The following TRIM7 variants were observed in gnomAD, a reference collection of about 807,000 sequenced individuals.
TRIM7 encodes E3 ubiquitin-protein ligase TRIM7.
TRIM7 carries 32 observed loss-of-function variants against 37.9 expected under a neutral mutation model. The observed-to-expected ratio is 0.84, with a 90% confidence interval of 0.64 to 1.13. TRIM7 has a LOEUF of 1.13. Among genes scored for constraint, TRIM7 ranks in the 50% most tolerant of loss-of-function variants. The probability of loss-of-function intolerance (pLI) is 0.00; values close to 1 mark genes in which losing one functional copy is unlikely to be tolerated. For synonymous variants in TRIM7, 351 were observed against 321.3 expected (o/e 1.09, Z -0.99); for missense variants, 732 against 714.0 (o/e 1.03, Z -0.29).
At chr5:181,204,019 C>A in intron 1 of TRIM7, 2 of 1,020,774 alleles carry the variant, frequency 2.0e-6, no homozygotes, top group Non-Finnish European at 2.3e-6. Context: ...CCCCTGCACA[C>A]ACCCTCGCTG....
chr5:181,202,865 C>G (rs1001844996), intron 2 of TRIM7: 2 of 152,274 alleles, frequency 1.3e-5, no homozygotes, highest in African/African-American at 4.8e-5. Flanking sequence ...TGCCAGGCCT[C>G]ATGTTTGCTT....
intron 1 of TRIM7, chr5:181,204,064 C>T: frequency 1.0e-6 from 1 of 1,001,730 alleles, no homozygotes; most frequent in Non-Finnish European, 1.2e-6. Context: ...AAAGGGCCCC[C>T]AGAATCGACA....
rs1209787122 is a variant in TRIM7, at chr5:181,199,950, A to T, written c.750T>A (p.Asn250Lys). ...CAACCCCGAGCTGGGCCAGGTTCTC[A>T]TTCTGCTTCTGTGCCACCTCCCGGG... Reference protein sequence around the residue: ...ELSREVAQKQNENLAQLGVEI... With the variant: ...ELSREVAQKQKENLAQLGVEI... The change falls in exon 3 of 7, where the codon AAT (asparagine) becomes AAA (lysine). Residue 250 changes from asparagine (N) to lysine (K), a missense_variant. Physicochemically the swap from Asn to Lys is moderately conservative, Grantham distance 94. Transcript: ENST00000274773. 4.3e-6 allele frequency: 7 copies of T among 1,614,112 alleles called. No homozygotes were observed. Among genetic ancestry groups the T allele is most frequent in the African/African-American group, 1.3e-5 (1 of 74,938 alleles).
chr5:181,205,123 C>T lies in TRIM7; in HGVS notation c.-13G>A. The T allele has an allele frequency of 7.7e-7, 1 of 1,306,920 alleles. No individual in the cohort carries two copies. The highest frequency in any genetic ancestry group is 9.7e-7 in the Non-Finnish European group (1 of 1,028,594). 81.0% of individuals were successfully genotyped at this position (1,306,920 alleles called of 1,614,324 possible). A position where few individuals can be genotyped will look rare whatever the true frequency, so the allele number is the denominator to read the frequency against. On this transcript the variant is annotated 5_prime_UTR_variant, in exon 1 of 7. Transcript: ENST00000274773. ...CCACAGCCGCCATGCGCGCTCTCCG[C>T]GCACCCAGATCTGGTCGCGCCTGGG...
At position 181,195,048 on chromosome 5, in the gene TRIM7, C is replaced by G. The variant is rs1757005207; in HGVS notation, c.*118G>C. The stretch of plus-strand genomic sequence containing the variant: ...CGGGGTTGTGTCTGTAGCAGGCTCT[C>G]TTGGGCAGCAGGGGTCAGGAGCACG... On this transcript the variant is annotated 3_prime_UTR_variant, in exon 7 of 7. Coordinates refer to ENST00000274773, the MANE Select transcript of TRIM7 (RefSeq NM_203293.3). The G allele has an allele frequency of 2.3e-6, 3 of 1,327,064 alleles. No homozygotes were observed. The Admixed American group carries it at 7.2e-5, about 32-fold the overall frequency. The allele number at this position is 1,327,064 out of a possible 1,614,324, so 82.2% of individuals were successfully genotyped here.
At chr5:181,203,873 G>T (rs1030302031) in intron 1 of TRIM7, 1 of 1,303,626 alleles carries the variant, frequency 7.7e-7, no homozygotes, top group Admixed American at 3.8e-5. Flanking sequence ...CACAAGCTCC[G>T]GCAGCCCTAC....
chr5:181,198,344 G>T, intron 5 of TRIM7, 126 bp from the exon 6 acceptor site: 1 of 1,027,956 alleles, frequency 9.7e-7, no homozygotes. Flanking sequence ...AAGAGTGAAC[G>T]TGCAGGCACA....
chr5:181,195,665 A>G lies in TRIM7; in HGVS notation c.1037T>C (p.Leu346Ser). The change falls in exon 7 of 7, where the codon TTG becomes TCG. Residue 346 changes from leucine (L) to serine (S), a missense_variant. Coordinates refer to ENST00000274773, the MANE Select transcript of TRIM7 (RefSeq NM_203293.3). ...GCGCGGGTTGGCCGTGTCGGGATCC[A>G]AGGTGAGCTCCACTGCAGACAGAGA... ...LEKEEKVELTLDPDTANPRLI... is the reference protein window; with the variant it reads ...LEKEEKVELTSDPDTANPRLI... 6.6e-7 allele frequency: 1 copy of G among 1,524,458 alleles called. No individual in the cohort carries two copies. Among genetic ancestry groups the G allele is most frequent in the Middle Eastern group, 1.8e-4 (1 of 5,638 alleles). The allele number at this position is 1,524,458 out of a possible 1,614,324, so 94.4% of individuals were successfully genotyped here. A position where few individuals can be genotyped will look rare whatever the true frequency, so the allele number is the denominator to read the frequency against.
chr5:181,203,618 C>T lies in TRIM7; in HGVS notation c.545G>A (p.Arg182Lys), dbSNP rs751948749. The change falls in exon 2 of 7, where the codon AGG becomes AAG. Residue 182 changes from arginine (R) to lysine (K), a missense_variant. Coordinates refer to ENST00000274773, the MANE Select transcript of TRIM7 (RefSeq NM_203293.3). ...EAKELLESRL[R>K]VLKKELEDCE... ...GTCCTCCAGTTCCTTCTTCAAGACC[C>T]TCAGCCTGGACTCCAAGAGCTCCTG... 2 of 1,613,218 alleles carry T rather than the reference C, an allele frequency of 1.2e-6. No individual in the cohort carries two copies. Among genetic ancestry groups the T allele is most frequent in the South Asian group, 2.2e-5 (2 of 90,966 alleles).
intron 6 of TRIM7, chr5:181,197,021 A>G (rs553686487): frequency 6.6e-6 from 1 of 152,166 alleles, no homozygotes; most frequent in Admixed American, 6.5e-5. Context: ...TTAGCCAGGC[A>G]TGGTAGTGTG....
At chr5:181,199,725 C>G in intron 3 of TRIM7, 126 bp downstream of exon 3, 5 of 1,425,928 alleles carry the variant, frequency 3.5e-6, no homozygotes, top group Non-Finnish European at 4.6e-6. Context: ...GGGCACTTCT[C>G]TCCAGTCCCC....
Position 181,195,653 on chromosome 5 carries a change from G to A in TRIM7, c.1049C>T (p.Thr350Met). The A allele has an allele frequency of 1.3e-6, 2 of 1,528,698 alleles. No homozygotes were observed. The highest frequency in any genetic ancestry group is 8.8e-7 in the Non-Finnish European group (1 of 1,135,300). The allele number at this position is 1,528,698 out of a possible 1,614,324, so 94.7% of individuals were successfully genotyped here. A position where few individuals can be genotyped will look rare whatever the true frequency, so the allele number is the denominator to read the frequency against. Residue 350 changes from threonine (T) to methionine (M), a missense_variant, in exon 7 of 7, where the codon ACG becomes ATG. Coordinates refer to ENST00000274773, the MANE Select transcript of TRIM7 (RefSeq NM_203293.3). ...EKVELTLDPDTANPRLILSLD... is the reference protein window; with the variant it reads ...EKVELTLDPDMANPRLILSLD... ...AGAGAGGATGAGGCGCGGGTTGGCC[G>A]TGTCGGGATCCAAGGTGAGCTCCAC...
At chr5:181,200,207 A>G (rs973459789) in intron 2 of TRIM7, 126 bp from the exon 3 acceptor site, 53 of 1,575,780 alleles carry the variant, frequency 3.4e-5, no homozygotes, top group Non-Finnish European at 4.4e-5. Context: ...AGACACACCC[A>G]CCTACGCACG....
At chr5:181,203,299 C>G in intron 2 of TRIM7, 2 of 1,321,798 alleles carry the variant, frequency 1.5e-6, no homozygotes, top group Non-Finnish European at 1.9e-6. Context: ...TCCTGATTCG[C>G]TGGGACAGCT....
At position 181,195,561 on chromosome 5, in the gene TRIM7, C is replaced by T. The variant is rs757067425; in HGVS notation, c.1141G>A (p.Asp381Asn). 1.9e-6 allele frequency: 3 copies of T among 1,610,472 alleles called. No homozygotes were observed. Among genetic ancestry groups the T allele is most frequent in the South Asian group, 1.1e-5 (1 of 90,918 alleles). ...QDLPNHPCRF[D>N]TNTRVLASCG... ...GACGCCAGGACGCGGGTGTTGGTGT[C>T]GAAGCGGCAGGGGTGGTTGGGCAGG... is the stretch of plus-strand genomic sequence containing the variant. The change falls in exon 7 of 7, where the codon GAC becomes AAC. Residue 381 changes from aspartate to asparagine, a missense_variant. Transcript: ENST00000274773.
At position 181,204,600 on chromosome 5, in the gene TRIM7, G is replaced by C; in HGVS notation, c.511C>G (p.Gln171Glu). Residue 171 changes from glutamine to glutamate, a missense_variant, in exon 1 of 7, where the codon CAG becomes GAG. Physicochemically the swap from Gln to Glu is conservative, Grantham distance 29. Transcript: ENST00000274773. ...HAVLPLDEAV[Q>E]EAKELLESRL... ...GGGGCTGCGCTCACCTTGGCCTCCT[G>C]CACCGCCTCGTCCAGCGGCAGCACG... 2 of 1,443,292 alleles carry C rather than the reference G, an allele frequency of 1.4e-6. No homozygotes were observed. The highest frequency in any genetic ancestry group is 1.8e-6 in the Non-Finnish European group (2 of 1,108,230). The allele number at this position is 1,443,292 out of a possible 1,614,324, so 89.4% of individuals were successfully genotyped here.
Position 181,204,858 on chromosome 5 carries a change from C to G in TRIM7, c.253G>C (p.Ala85Pro). 1 of 1,339,532 alleles carries G rather than the reference C, an allele frequency of 7.5e-7. No homozygotes were observed. Among genetic ancestry groups the G allele is most frequent in the Non-Finnish European group, 9.5e-7 (1 of 1,054,598 alleles). 83.0% of individuals were successfully genotyped at this position (1,339,532 alleles called of 1,614,324 possible). The stretch of plus-strand genomic sequence containing the variant: ...TTGGGCCGCAGCTGACTGGGGCGCG[C>G]GGGCTCGCGGCACTGCGGACAGGGC... ...PLPCPQCREPARPSQLRPNRQ... is the reference protein window; with the variant it reads ...PLPCPQCREPPRPSQLRPNRQ... Residue 85 changes from alanine to proline, a missense_variant, in exon 1 of 7, where the codon GCG becomes CCG. Transcript: ENST00000274773.
chr5:181,198,380 AG>A, intron 5 of TRIM7, 162 bp from the exon 6 acceptor site: 9 of 762,196 alleles, frequency 1.2e-5, no homozygotes, highest in Admixed American at 2.1e-5. Flanking sequence ...AGCGGGGGGC[AG>A]GGGGCCCATA....
At chr5:181,196,056 A>C in intron 6 of TRIM7, 1 of 203,260 alleles carries the variant, frequency 4.9e-6, no homozygotes, top group Non-Finnish European at 9.8e-6. Flanking sequence ...TGAGGTATTT[A>C]TGGCAATGAT....
Sources: gnomAD v4.1 joint callset for allele counts on GRCh38, gnomAD v4.1.1 for gene constraint, MANE v1.5 for transcripts, NCBI Gene and HGNC (gene_info 2026-07-23, HGNC 2026-07-21) for gene names.